The following CORO1C variants were observed in gnomAD, a reference collection of about 807,000 sequenced individuals.
CORO1C encodes the protein coronin-1C.
Under a neutral mutation model 51.2 loss-of-function variants are expected in CORO1C, and 14 were observed. The ratio of observed to expected loss-of-function variants is 0.27; its 90% confidence interval spans 0.18 to 0.43. The LOEUF (loss-of-function observed/expected upper bound fraction) is 0.43. CORO1C is among the 20% of genes least tolerant of loss of function. The pLI is 1.00. For synonymous variants in CORO1C, 181 were observed against 210.5 expected (o/e 0.86, Z 1.21); for missense variants, 417 against 607.8 (o/e 0.69, Z 3.30).
At chr12:108,661,437 T>TA (rs2033256021) in intron 4 of CORO1C, among the ~76,000 whole-genome samples, 1 of 152,234 alleles carries the variant, frequency 6.6e-6, no homozygotes, top group African/African-American at 2.4e-5. Flanking sequence ...TCTCTGTATG[T>TA]AAAATAATTT....
chr12:108,665,030 T>C (rs1168520883), intron 3 of CORO1C, among the ~76,000 whole-genome samples: 1 of 152,202 alleles, frequency 6.6e-6, no homozygotes, highest in Non-Finnish European at 1.5e-5. Flanking sequence ...CTGGGTTTCC[T>C]TGCAAGGACT....
intron 1 of CORO1C, among the ~76,000 whole-genome samples, chr12:108,722,604 A>C (rs2035497916): frequency 1.3e-5 from 2 of 152,242 alleles, no homozygotes; most frequent in South Asian, 4.1e-4. Flanking sequence ...GAACGTACCC[A>C]CCACTTACAA....
chr12:108,665,684 G>A (rs1466950740), intron 3 of CORO1C, among the ~76,000 whole-genome samples: 1 of 152,180 alleles, frequency 6.6e-6, no homozygotes, highest in Non-Finnish European at 1.5e-5. Context: ...TGCCTGCGAG[G>A]TGTGCTAAGA....
At chr12:108,709,551 T>C (rs2035122666) in intron 1 of CORO1C, among the ~76,000 whole-genome samples, 1 of 152,204 alleles carries the variant, frequency 6.6e-6, no homozygotes, top group African/African-American at 2.4e-5. Context: ...ATTAGTGTTT[T>C]ACCACTTTAA....
chr12:108,653,500 G>C (rs780247653), intron 7 of CORO1C, among the ~76,000 whole-genome samples: 10 of 152,074 alleles, frequency 6.6e-5, no homozygotes, highest in Non-Finnish European at 1.3e-4. Flanking sequence ...ACAGGTCTAG[G>C]GACTACCTCA....
rs1201867060 is a variant in CORO1C at position 108,715,662 on chromosome 12, A to C, written c.-5-14339T>G. Among the ~76,000 whole-genome samples, 44 of 12,722 alleles carry C rather than the reference A, an allele frequency of 3.5e-3. 1 individual carries two copies. The highest frequency in any genetic ancestry group is 4.7e-3 in the African/African-American group (9 of 1,930). The allele number at this position is 12,722 out of a possible 152,430, so 8.3% of individuals were successfully genotyped here. On this transcript the variant is annotated intron_variant, in intron 1 of 10. Coordinates refer to ENST00000261401, the MANE Select transcript of CORO1C (RefSeq NM_014325.4). Reference sequence around the variant, plus strand: ...CCCCCCCTCCCCCCCGCATACTCACAACACTGGCAGCAGCCATCTCCCTAA... The same window carrying C: ...CCCCCCCTCCCCCCCGCATACTCACCACACTGGCAGCAGCCATCTCCCTAA...
chr12:108,690,345 T>A (rs1319523842), intron 2 of CORO1C, among the ~76,000 whole-genome samples: 1 of 152,164 alleles, frequency 6.6e-6, no homozygotes, highest in Non-Finnish European at 1.5e-5. Context: ...TAAGGTAAGC[T>A]AGAAACAAAA....
intron 5 of CORO1C, among the ~76,000 whole-genome samples, chr12:108,657,751 A>G (rs2033089008): frequency 6.6e-6 from 1 of 152,256 alleles, no homozygotes; most frequent in South Asian, 2.1e-4. Flanking sequence ...GTTTCTCAAG[A>G]GGATAATAAC....
At chr12:108,683,080 T>C (rs996553213) in intron 2 of CORO1C, among the ~76,000 whole-genome samples, 1 of 152,136 alleles carries the variant, frequency 6.6e-6, no homozygotes, top group Non-Finnish European at 1.5e-5. Flanking sequence ...AGTTGCTACC[T>C]TGAGAAGTTA....
At chr12:108,710,585 A>G (rs2035152076) in intron 1 of CORO1C, among the ~76,000 whole-genome samples, 1 of 149,776 alleles carries the variant, frequency 6.7e-6, no homozygotes, top group Non-Finnish European at 1.5e-5. Flanking sequence ...TTTTTTTTTG[A>G]GACAGAGTCT....
chr12:108,695,291 C>T (rs960392274), intron 2 of CORO1C, among the ~76,000 whole-genome samples: 1 of 152,212 alleles, frequency 6.6e-6, no homozygotes, highest in Non-Finnish European at 1.5e-5. Context: ...TCAGAATTCA[C>T]ACTCCATCAA....
rs138767522 is a variant in CORO1C, at chr12:108,717,444, G to T, written c.-6+13985C>A. ...TTAGATTTGCATTTTAAAAGCTCAC[G>T]CTGAATGAAGCTGGAGAATGGATCT... On this transcript the variant is annotated intron_variant, in intron 1 of 10. Coordinates refer to ENST00000261401, the MANE Select transcript of CORO1C (RefSeq NM_014325.4). Among the ~76,000 whole-genome samples the T allele has an allele frequency of 2.3e-3, 348 of 152,280 alleles. 2 individuals are homozygous for T. The highest frequency in any genetic ancestry group is 7.8e-3 in the African/African-American group (324 of 41,550).
chr12:108,694,839 G>C (rs1021619240), intron 2 of CORO1C, among the ~76,000 whole-genome samples: 2 of 152,116 alleles, frequency 1.3e-5, no homozygotes, highest in African/African-American at 4.8e-5. Context: ...AAAACTACCA[G>C]AAAGCCTTTT....
At position 108,647,184 on chromosome 12, in the gene CORO1C, T is replaced by C. The variant is rs2032396681; in HGVS notation, c.*219A>G. 2.4e-6 allele frequency: 1 copy of C among 419,626 alleles called. No individual in the cohort carries two copies. The highest frequency in any genetic ancestry group is 4.2e-6 in the Non-Finnish European group (1 of 236,842). The allele number at this position is 419,626 out of a possible 1,614,324, so 26.0% of individuals were successfully genotyped here. The stretch of plus-strand genomic sequence containing the variant: ...TTAAAACATCAAAAAAGCTTTCTGA[T>C]AAAAAGCTCAGCTTTTAAATCACGT... On this transcript the variant is annotated 3_prime_UTR_variant, in exon 11 of 11. Transcript: ENST00000261401.
rs145019721 is a variant in CORO1C, at chr12:108,671,822, G to A, written c.318+6450C>T. On this transcript the variant is annotated intron_variant, in intron 3 of 10. Coordinates refer to ENST00000261401, the MANE Select transcript of CORO1C (RefSeq NM_014325.4). ...CTGTTAACCAGGCTGTAGTACAGTG[G>A]CACGATCACGGCTCAATGCAGCCTT... is the stretch of plus-strand genomic sequence containing the variant. 2.3e-3 allele frequency among the ~76,000 whole-genome samples: 349 copies of A among 152,252 alleles called. 2 individuals are homozygous for A. The highest frequency in any genetic ancestry group is 7.8e-3 in the African/African-American group (325 of 41,552).
At chr12:108,724,294 A>C (rs1458216167) in intron 1 of CORO1C, among the ~76,000 whole-genome samples, 5 of 152,246 alleles carry the variant, frequency 3.3e-5, no homozygotes, top group Non-Finnish European at 1.5e-5. Context: ...TGGGTCAAAG[A>C]CTACAAAGGG....
chr12:108,717,099 G>A (rs542123000), intron 1 of CORO1C, among the ~76,000 whole-genome samples: 3 of 152,322 alleles, frequency 2.0e-5, no homozygotes, highest in East Asian at 1.9e-4. Flanking sequence ...GTCAATAATC[G>A]GGGAACAGAA....
intron 6 of CORO1C, among the ~76,000 whole-genome samples, chr12:108,654,641 T>A (rs1592847553): frequency 6.6e-6 from 1 of 152,078 alleles, no homozygotes; most frequent in Non-Finnish European, 1.5e-5. Context: ...AATGCGCGCA[T>A]ACATCAGCGT....
At chr12:108,700,859 C>A in intron 2 of CORO1C, 2 of 337,156 alleles carry the variant, frequency 5.9e-6, no homozygotes, top group Admixed American at 4.4e-5. Flanking sequence ...CTTAAAATTC[C>A]TATGCCTGCC....
Sources: allele counts gnomAD v4.1 joint callset (sites outside exome capture counted in the v4.1 genomes callset), GRCh38; gene constraint gnomAD v4.1.1; transcripts MANE v1.5; gene names NCBI Gene and HGNC (gene_info 2026-07-23, HGNC 2026-07-21).